ANKRD11: variants seen among roughly 807,000 people sequenced by gnomAD.
ANKRD11 encodes the protein ankyrin repeat domain 11, also known as ankyrin repeat domain-containing protein 11.
ANKRD11 carries 17 observed loss-of-function variants against 195.7 expected under a neutral mutation model. That is an observed-to-expected ratio of 0.09 (90% confidence interval 0.06 to 0.13). ANKRD11 has a LOEUF of 0.13. Among genes scored for constraint, ANKRD11 ranks in the 10% least tolerant of loss-of-function variants. The pLI is 1.00. For synonymous variants in ANKRD11, 1,953 were observed against 1,528.1 expected (o/e 1.28, Z -6.49); for missense variants, 3,735 against 3,566.1 (o/e 1.05, Z -1.21).
chr16:89,427,608 C>T (rs1047376281), intron 1 of ANKRD11, among the ~76,000 whole-genome samples: 4 of 152,166 alleles, frequency 2.6e-5, no homozygotes, highest in Admixed American at 2.6e-4. Context: ...ACCAGCCTGG[C>T]CAACATGGCG....
intron 4 of ANKRD11, among the ~76,000 whole-genome samples, chr16:89,295,453 A>C (rs947401082): frequency 6.6e-6 from 1 of 151,992 alleles, no homozygotes; most frequent in Non-Finnish European, 1.5e-5. Context: ...CTGGCAGCAC[A>C]CCTCACTACC....
chr16:89,426,712 A>G (rs936085254), intron 1 of ANKRD11, among the ~76,000 whole-genome samples: 10 of 152,150 alleles, frequency 6.6e-5, no homozygotes, highest in Admixed American at 2.0e-4. Flanking sequence ...CAAAACTCAA[A>G]AGGAAACATG....
intron 3 of ANKRD11, among the ~76,000 whole-genome samples, chr16:89,307,105 C>G (rs574694967): frequency 6.6e-6 from 1 of 152,188 alleles, no homozygotes; most frequent in African/African-American, 2.4e-5. Flanking sequence ...GGGGACGGTG[C>G]GACACACACA....
chr16:89,397,962 C>T (rs942911251), intron 2 of ANKRD11, among the ~76,000 whole-genome samples: 3 of 152,230 alleles, frequency 2.0e-5, no homozygotes, highest in African/African-American at 4.8e-5. Context: ...GTTGTTGAAT[C>T]GGTGCAATAT....
chr16:89,406,150 A>C (rs989755084), intron 2 of ANKRD11, among the ~76,000 whole-genome samples: 2 of 151,330 alleles, frequency 1.3e-5, no homozygotes, highest in African/African-American at 2.4e-5. Flanking sequence ...GAAAATCACC[A>C]AAGTCCTAAG....
At chr16:89,464,194 G>A (rs1218834023) in intron 1 of ANKRD11, among the ~76,000 whole-genome samples, 3 of 151,804 alleles carry the variant, frequency 2.0e-5, no homozygotes, top group Admixed American at 6.6e-5. Flanking sequence ...AGCGAAGATC[G>A]CACCACTGCA....
intron 2 of ANKRD11, chr16:89,324,866 C>T (rs2037607945): frequency 4.2e-5 from 11 of 264,470 alleles, no homozygotes; most frequent in South Asian, 4.1e-4. Flanking sequence ...TGTGGGACTT[C>T]ACCTCATGAC....
intron 2 of ANKRD11, chr16:89,395,828 G>A (rs968793605): frequency 1.3e-5 from 2 of 152,204 alleles, no homozygotes; most frequent in Admixed American, 1.3e-4. Context: ...TGATGAGCCA[G>A]TTCACTGGAG....
chr16:89,451,169 C>G (rs765749488), intron 1 of ANKRD11, among the ~76,000 whole-genome samples: 41 of 152,320 alleles, frequency 2.7e-4, no homozygotes, highest in Non-Finnish European at 4.4e-4. Context: ...TGGCCTATGT[C>G]AGAATTCTAA....
chr16:89,471,686 G>T (rs960173512), intron 1 of ANKRD11, among the ~76,000 whole-genome samples: 9 of 146,246 alleles, frequency 6.2e-5, no homozygotes, highest in African/African-American at 2.3e-4. Context: ...TTGGGAGGAT[G>T]AGGAAGGAGA....
Position 89,270,726 on chromosome 16 carries a change from C to A in ANKRD11, c.7806+91G>T, listed in dbSNP as rs142218980. On this transcript the variant is annotated intron_variant, in intron 12 of 12. Coordinates refer to ENST00000301030, the MANE Select transcript of ANKRD11 (RefSeq NM_013275.6). ...TCACAGAACTGGGCAGCGGCCTCCC[C>A]CCAGGCAGCGCAAAGGGGGTTGTCA... 889 of 1,312,994 alleles carry A rather than the reference C, an allele frequency of 6.8e-4. 9 individuals are homozygous for A. In the East Asian group the frequency reaches 0.016, roughly 23 times the overall value. 81.3% of individuals were successfully genotyped at this position (1,312,994 alleles called of 1,614,324 possible). A position where few individuals can be genotyped will look rare whatever the true frequency, so the allele number is the denominator to read the frequency against.
At chr16:89,386,577 G>A (rs899842850) in intron 2 of ANKRD11, among the ~76,000 whole-genome samples, 4 of 152,246 alleles carry the variant, frequency 2.6e-5, no homozygotes, top group Non-Finnish European at 4.4e-5. Flanking sequence ...CCTGCAAGAT[G>A]CCCGCGGGGA....
At chr16:89,338,970 C>T (rs1016835369) in intron 2 of ANKRD11, among the ~76,000 whole-genome samples, 1 of 152,046 alleles carries the variant, frequency 6.6e-6, no homozygotes, top group African/African-American at 2.4e-5. Context: ...GAACTCCTTT[C>T]CCTCAAAGTC....
chr16:89,297,093 C>T (rs2035486561), intron 4 of ANKRD11, among the ~76,000 whole-genome samples: 1 of 152,188 alleles, frequency 6.6e-6, no homozygotes, highest in Admixed American at 6.5e-5. Flanking sequence ...AGGCAGAGAC[C>T]CTGAGGTTGG....
chr16:89,276,940 C>T (rs2033705057), intron 9 of ANKRD11, among the ~76,000 whole-genome samples: 1 of 151,698 alleles, frequency 6.6e-6, no homozygotes, highest in South Asian at 2.1e-4. Flanking sequence ...CCTGTAATCC[C>T]AGCTACTCAG....
chr16:89,332,955 C>T (rs1219892069), intron 2 of ANKRD11, among the ~76,000 whole-genome samples: 1 of 152,236 alleles, frequency 6.6e-6, no homozygotes, highest in African/African-American at 2.4e-5. Context: ...TGCAACAGAA[C>T]AGCGGGGCTG....
At chr16:89,396,012 A>C (rs1483268008) in intron 2 of ANKRD11, 1 of 152,202 alleles carries the variant, frequency 6.6e-6, no homozygotes, top group Non-Finnish European at 1.5e-5. Context: ...AGAATGACCG[A>C]CCGACATGCA....
At chr16:89,336,675 C>G (rs944418554) in intron 2 of ANKRD11, among the ~76,000 whole-genome samples, 1 of 152,216 alleles carries the variant, frequency 6.6e-6, no homozygotes, top group Non-Finnish European at 1.5e-5. Flanking sequence ...ACAGGGAGCA[C>G]AGGCACTAGG....
intron 2 of ANKRD11, among the ~76,000 whole-genome samples, chr16:89,326,849 C>A (rs887141677): frequency 6.6e-6 from 1 of 152,218 alleles, no homozygotes; most frequent in Non-Finnish European, 1.5e-5. Flanking sequence ...TAACACAAAG[C>A]CTGCCCGCCA....
Sources: gnomAD v4.1 joint callset for allele counts (sites outside exome capture counted in the v4.1 genomes callset) on GRCh38, gnomAD v4.1.1 for gene constraint, MANE v1.5 for transcripts, NCBI Gene and HGNC (gene_info 2026-07-23, HGNC 2026-07-21) for gene names.